GRIA4: variants seen among roughly 807,000 people sequenced by gnomAD.
The protein encoded by GRIA4 is glutamate ionotropic receptor AMPA type subunit 4.
GRIA4 carries 34 observed loss-of-function variants against 104.0 expected under a neutral mutation model. The observed-to-expected ratio is 0.33, with a 90% CI of 0.25 to 0.44. GRIA4 has a LOEUF of 0.44. Among genes scored for constraint, GRIA4 ranks in the 20% least tolerant of loss-of-function variants. GRIA4 has a pLI of 1.00. For synonymous variants in GRIA4, 386 were observed against 381.9 expected (o/e 1.01, Z -0.13); for missense variants, 750 against 1,096.5 (o/e 0.68, Z 4.46).
chr11:105,979,939 A>G lies in GRIA4; in HGVS notation c.*200A>G. 1 of 471,054 alleles carries G rather than the reference A, an allele frequency of 2.1e-6. No individual in the cohort carries two copies. Among genetic ancestry groups the G allele is most frequent in the Non-Finnish European group, 3.8e-6 (1 of 260,648 alleles). 29.2% of individuals were successfully genotyped at this position (471,054 alleles called of 1,614,324 possible). ...GCTCGGAAACCCAAACTCAGATTTT[A>G]TATCAGGAAAACTCACAATTGAGGT... On this transcript the variant is annotated 3_prime_UTR_variant, in exon 17 of 17. Coordinates refer to ENST00000282499, the MANE Select transcript of GRIA4 (RefSeq NM_000829.4).
intron 5 of GRIA4, among the ~76,000 whole-genome samples, chr11:105,865,405 A>G (rs1446336033): frequency 6.6e-6 from 1 of 152,168 alleles, no homozygotes; most frequent in Non-Finnish European, 1.5e-5. Flanking sequence ...CTAAAATGAG[A>G]AGTATTTTTA....
chr11:105,708,940 A>C (rs1202676549), intron 3 of GRIA4, among the ~76,000 whole-genome samples: 1 of 151,400 alleles, frequency 6.6e-6, no homozygotes, highest in East Asian at 1.9e-4. Context: ...ATGTGTGTGT[A>C]AGTATCTACA....
chr11:105,817,809 G>A (rs1277222057), intron 4 of GRIA4, among the ~76,000 whole-genome samples: 1 of 152,112 alleles, frequency 6.6e-6, no homozygotes, highest in Non-Finnish European at 1.5e-5. Context: ...GTGAAGATCA[G>A]TGTACGTGCA....
rs774088053 is a variant in GRIA4 at position 105,629,604 on chromosome 11, G to A, written c.247+17170G>A. Among the ~76,000 whole-genome samples, 85 of 152,086 alleles carry A rather than the reference G, an allele frequency of 5.6e-4. No individual in the cohort carries two copies. In the Middle Eastern group the frequency reaches 0.01, roughly 18 times the overall value. ...ATAATGCAGAATTTCCATTTTTAAC[G>A]TACACTGTTCTAAATTTTTACATGT... On this transcript the variant is annotated intron_variant, in intron 3 of 16. Coordinates refer to ENST00000282499, the MANE Select transcript of GRIA4 (RefSeq NM_000829.4).
chr11:105,848,185 T>C (rs1944664624), intron 4 of GRIA4, among the ~76,000 whole-genome samples: 1 of 152,172 alleles, frequency 6.6e-6, no homozygotes, highest in Non-Finnish European at 1.5e-5. Context: ...AGCCTTTGTC[T>C]AAATGTAAAA....
chr11:105,960,945 A>T (rs866453391), intron 14 of GRIA4, among the ~76,000 whole-genome samples: 2 of 152,228 alleles, frequency 1.3e-5, no homozygotes, highest in Middle Eastern at 3.4e-3. Flanking sequence ...AGCCTTCTAG[A>T]CAATTTTGAT....
intron 15 of GRIA4, among the ~76,000 whole-genome samples, chr11:105,973,222 C>T (rs957103690): frequency 2.0e-5 from 3 of 152,120 alleles, no homozygotes; most frequent in Non-Finnish European, 4.4e-5. Flanking sequence ...GAGTTAAATA[C>T]TCTCCTATAA....
chr11:105,913,498 A>C (rs1192708234), intron 10 of GRIA4: 1 of 626,474 alleles, frequency 1.6e-6, no homozygotes, highest in Non-Finnish European at 2.0e-6. Flanking sequence ...AAAATTTATA[A>C]GACTGTGACC....
chr11:105,813,299 G>A (rs1002228308), intron 4 of GRIA4, among the ~76,000 whole-genome samples: 3 of 152,012 alleles, frequency 2.0e-5, no homozygotes, highest in African/African-American at 7.2e-5. Flanking sequence ...AATAACTGAA[G>A]ATTCTTAATA....
intron 4 of GRIA4, among the ~76,000 whole-genome samples, chr11:105,858,976 T>C (rs900868901): frequency 1.3e-5 from 2 of 152,196 alleles, no homozygotes; most frequent in Admixed American, 6.5e-5. Flanking sequence ...CATCTAAAAC[T>C]GCAGTATTCA....
chr11:105,667,149 C>T (rs1035132732), intron 3 of GRIA4, among the ~76,000 whole-genome samples: 1 of 151,774 alleles, frequency 6.6e-6, no homozygotes, highest in Non-Finnish European at 1.5e-5. Flanking sequence ...TTAAGAAAAA[C>T]AATTATGTAC....
chr11:105,726,862 C>G (rs537705961), intron 3 of GRIA4, among the ~76,000 whole-genome samples: 6 of 152,048 alleles, frequency 3.9e-5, no homozygotes, highest in African/African-American at 1.2e-4. Flanking sequence ...GACAACCAAG[C>G]AAAAACTCCA....
At chr11:105,671,549 G>A (rs1303206190) in intron 3 of GRIA4, among the ~76,000 whole-genome samples, 2 of 151,228 alleles carry the variant, frequency 1.3e-5, no homozygotes, top group Admixed American at 6.6e-5. Context: ...GTGGTGGTAG[G>A]CACCTGTAAT....
chr11:105,805,478 G>GAAAAAAAAAAAAAAA (rs57123559), intron 4 of GRIA4, among the ~76,000 whole-genome samples: 173 of 92,402 alleles, frequency 1.9e-3, no homozygotes, highest in African/African-American at 6.9e-3. Flanking sequence ...AAGAAATCAG[G>GAAAAAAAAAAAAAAA]AAAAAAAAAA....
chr11:105,657,606 C>G (rs1167058920), intron 3 of GRIA4, among the ~76,000 whole-genome samples: 2 of 151,862 alleles, frequency 1.3e-5, no homozygotes, highest in African/African-American at 4.8e-5. Context: ...GCTTATAATA[C>G]TATCAGTGAA....
chr11:105,811,210 A>G (rs2135869919), intron 4 of GRIA4, among the ~76,000 whole-genome samples: 1 of 152,322 alleles, frequency 6.6e-6, no homozygotes, highest in East Asian at 1.9e-4. Context: ...CAGCAGCACA[A>G]CTGAGATTCG....
At chr11:105,655,040 C>G (rs553035596) in intron 3 of GRIA4, among the ~76,000 whole-genome samples, 1 of 152,018 alleles carries the variant, frequency 6.6e-6, no homozygotes, top group African/African-American at 2.4e-5. Flanking sequence ...AGAAGGAAAA[C>G]CTTGTAGAGA....
rs1277956824 is a variant in GRIA4, at chr11:105,895,058, CA to C, written c.727-3208del. On this transcript the variant is annotated intron_variant, in intron 6 of 16. Coordinates refer to ENST00000282499, the MANE Select transcript of GRIA4 (RefSeq NM_000829.4). ...TCATGATCCACCCGCCTCGGCCTCC[CA>C]AAGTGCTGGGATTACAGGCGTGAGC... 2.6e-5 allele frequency among the ~76,000 whole-genome samples: 4 copies of C among 151,006 alleles called. 1 individual carries two copies. Among genetic ancestry groups the C allele is most frequent in the African/African-American group, 9.7e-5 (4 of 41,052 alleles).
intron 3 of GRIA4, among the ~76,000 whole-genome samples, chr11:105,654,340 A>G (rs1951778888): frequency 6.6e-6 from 1 of 151,942 alleles, no homozygotes; most frequent in African/African-American, 2.4e-5. Flanking sequence ...GAAGATTGCT[A>G]AGAGTGCCCC....
Sources: gnomAD v4.1 joint callset for allele counts (sites outside exome capture counted in the v4.1 genomes callset) on GRCh38, gnomAD v4.1.1 for gene constraint, MANE v1.5 for transcripts, NCBI Gene and HGNC (gene_info 2026-07-23, HGNC 2026-07-21) for gene names.